Variants in CUX1 observed in about 807,000 individuals in gnomAD.
CUX1 encodes protein CASP.
A neutral mutation model predicts 158.8 loss-of-function variants in CUX1; 31 were observed. The observed-to-expected ratio is 0.20, with a 90% CI of 0.15 to 0.26. The LOEUF (loss-of-function observed/expected upper bound fraction) is 0.26, where lower values mean the gene tolerates loss of function less well. Ranked by LOEUF, CUX1 falls within the 10% of genes least tolerant of loss-of-function variation. The pLI is 1.00. For missense variants in CUX1, 1,589 were observed against 2,014.6 expected (o/e 0.79, Z 4.04); for synonymous variants, 879 against 862.1 (o/e 1.02, Z -0.34).
chr7:102,156,131 G>A (rs1477415305), intron 8 of CUX1, among the ~76,000 whole-genome samples: 1 of 152,166 alleles, frequency 6.6e-6, no homozygotes, highest in Non-Finnish European at 1.5e-5. Flanking sequence ...GTAGTTAAAG[G>A]CTGCAAAAGC....
In CUX1 at chr7:102,046,569, A is replaced by ATTTTT. The variant is rs55753644; in HGVS notation, c.189+18447_189+18451dup. ...CCTGTTCTGTTTTGGTTTGGTTTGGATTTTTTTTTTTTTTTTTTTTTTTTT... is the reference window on the plus strand; with the variant it reads ...CCTGTTCTGTTTTGGTTTGGTTTGGATTTTTTTTTTTTTTTTTTTTTTTTTTTTTT... On this transcript the variant is annotated intron_variant, in intron 3 of 23. Transcript: ENST00000292535. Among the ~76,000 whole-genome samples, 22 of 55,480 alleles carry ATTTTT rather than the reference A, an allele frequency of 4.0e-4. 2 individuals carry two copies. The highest frequency in any genetic ancestry group is 1.1e-3 in the African/African-American group (14 of 12,216). The allele number at this position is 55,480 out of a possible 152,430, so 36.4% of individuals were successfully genotyped here.
At chr7:102,164,914 T>C (rs1374993549) in intron 9 of CUX1, among the ~76,000 whole-genome samples, 1 of 151,832 alleles carries the variant, frequency 6.6e-6, no homozygotes, top group African/African-American at 2.4e-5. Flanking sequence ...GGGTGGAAGA[T>C]TGGATCAGAG....
intron 14 of CUX1, among the ~76,000 whole-genome samples, chr7:102,273,033 C>T (rs1554546624): frequency 6.6e-6 from 1 of 152,224 alleles, no homozygotes; most frequent in African/African-American, 2.4e-5. Flanking sequence ...AAGGGGCTGG[C>T]CAGGGCCCCC....
intron 9 of CUX1, among the ~76,000 whole-genome samples, chr7:102,162,761 C>T (rs1218277096): frequency 1.3e-5 from 2 of 152,174 alleles, no homozygotes; most frequent in East Asian, 1.9e-4. Context: ...AACGATCCAC[C>T]CACCTCTGCC....
intron 2 of CUX1, among the ~76,000 whole-genome samples, chr7:101,984,111 TATATATATATATATATATACACACAC>T (rs749754657): frequency 0.035 from 1,593 of 44,972 alleles, 183 homozygotes; most frequent in South Asian, 0.051. Flanking sequence ...TATATATATA[TATATATATATATATATATACACACAC>T]ACATATATAT....
intron 12 of CUX1, 85 bp downstream of exon 12, chr7:102,189,956 C>A: frequency 7.0e-7 from 1 of 1,423,516 alleles, no homozygotes; most frequent in Non-Finnish European, 9.8e-7. Context: ...TGGCAGGAAG[C>A]CTTGGCCCCC....
At chr7:102,189,711 C>G in intron 11 of CUX1, 102 bp from the exon 12 acceptor site, 1 of 1,266,816 alleles carries the variant, frequency 7.9e-7, no homozygotes, top group Non-Finnish European at 1.1e-6. Context: ...GGCTGGCTTC[C>G]CCTCTCAGGC....
intron 1 of CUX1, among the ~76,000 whole-genome samples, chr7:101,879,518 C>T (rs1425807825): frequency 1.3e-5 from 2 of 152,172 alleles, no homozygotes; most frequent in Admixed American, 6.5e-5. Flanking sequence ...TGGCTGGGAG[C>T]CCCTCTCTGT....
chr7:102,241,937 T>C (rs1400584396), intron 23 of CUX1, among the ~76,000 whole-genome samples: 1 of 152,080 alleles, frequency 6.6e-6, no homozygotes, highest in Non-Finnish European at 1.5e-5. Context: ...ACCACTGCAC[T>C]CCAGTCTGGG....
intron 1 of CUX1, among the ~76,000 whole-genome samples, chr7:101,856,494 G>A (rs1796838693): frequency 6.6e-6 from 1 of 152,200 alleles, no homozygotes; most frequent in Admixed American, 6.5e-5. Flanking sequence ...TTTACAGAAA[G>A]ATGAATTTTC....
intron 2 of CUX1, among the ~76,000 whole-genome samples, chr7:102,009,388 A>G (rs1313986848): frequency 1.3e-5 from 2 of 152,176 alleles, no homozygotes; most frequent in African/African-American, 2.4e-5. Context: ...CACACTGAAG[A>G]AAGGCTGCGT....
At chr7:102,086,061 ACATAATATTTTAT>A (rs1827924447) in intron 4 of CUX1, among the ~76,000 whole-genome samples, 1 of 152,182 alleles carries the variant, frequency 6.6e-6, no homozygotes, top group Non-Finnish European at 1.5e-5. Flanking sequence ...ATAATATTGT[ACATAATATTTTAT>A]TAACTTTTAA....
At chr7:102,009,602 T>C (rs1817766571) in intron 2 of CUX1, among the ~76,000 whole-genome samples, 1 of 152,238 alleles carries the variant, frequency 6.6e-6, no homozygotes, top group South Asian at 2.1e-4. Flanking sequence ...CTGTAGCCTC[T>C]TTCTACAAGT....
At chr7:101,847,277 G>A (rs1267615674) in intron 1 of CUX1, among the ~76,000 whole-genome samples, 2 of 152,182 alleles carry the variant, frequency 1.3e-5, no homozygotes, top group Non-Finnish European at 2.9e-5. Context: ...CTCTCCTCTA[G>A]TGTGCTGGAT....
intron 1 of CUX1, among the ~76,000 whole-genome samples, chr7:101,865,771 A>G (rs1797877058): frequency 6.6e-6 from 1 of 152,174 alleles, no homozygotes; most frequent in Non-Finnish European, 1.5e-5. Flanking sequence ...CTAACGTTTT[A>G]TGGTTTGTTG....
At chr7:102,128,530 A>G (rs1294467476) in intron 8 of CUX1, among the ~76,000 whole-genome samples, 1 of 149,980 alleles carries the variant, frequency 6.7e-6, no homozygotes, top group East Asian at 2.0e-4. Context: ...AGTGGCCTTC[A>G]GGCAGGGCTG....
intron 3 of CUX1, among the ~76,000 whole-genome samples, chr7:102,068,140 G>A (rs551821436): frequency 6.6e-6 from 1 of 152,104 alleles, no homozygotes; most frequent in African/African-American, 2.4e-5. Context: ...TGCCCAGGCT[G>A]GAGTGCAGTT....
rs561484451 is a variant in CUX1, at chr7:101,935,879, C to T, written c.141+19654C>T. ...GCTCACATTTCCAGCCGAAGTTACA[C>T]TCTACAGCCTGGCAGCAGATGGACG... On this transcript the variant is annotated intron_variant, in intron 2 of 23. Coordinates refer to ENST00000292535, the MANE Select transcript of CUX1 (RefSeq NM_181552.4). Among the ~76,000 whole-genome samples, 4 of 152,334 alleles carry T rather than the reference C, an allele frequency of 2.6e-5. No individual in the cohort carries two copies. In the East Asian group the frequency reaches 7.7e-4, roughly 29 times the overall value.
At chr7:101,877,623 G>A (rs935612015) in intron 1 of CUX1, among the ~76,000 whole-genome samples, 4 of 152,154 alleles carry the variant, frequency 2.6e-5, no homozygotes, top group Non-Finnish European at 4.4e-5. Flanking sequence ...GGAGGTGGAG[G>A]TTTCAGTGAG....
Sources: gnomAD v4.1 joint callset for allele counts (sites outside exome capture counted in the v4.1 genomes callset) on GRCh38, gnomAD v4.1.1 for gene constraint, MANE v1.5 for transcripts, NCBI Gene and HGNC (gene_info 2026-07-23, HGNC 2026-07-21) for gene names.